TCEANC2: variants seen among roughly 807,000 people sequenced by gnomAD.
TCEANC2 encodes transcription elongation factor A N-terminal and central domain-containing protein 2.
In TCEANC2, 20 loss-of-function variants were observed where a neutral mutation model predicts 22.8. The ratio of observed to expected loss-of-function variants is 0.88; its 90% CI spans 0.62 to 1.28. The LOEUF (loss-of-function observed/expected upper bound fraction) is 1.28, where lower values mean the gene tolerates loss of function less well. Ranked by LOEUF, TCEANC2 falls within the 50% of genes most tolerant of loss-of-function variation. The probability of loss-of-function intolerance (pLI) is 0.00; values close to 1 mark genes in which losing one functional copy is unlikely to be tolerated. For synonymous variants in TCEANC2, 84 were observed against 95.5 expected (o/e 0.88, Z 0.70); for missense variants, 251 against 249.7 (o/e 1.01, Z -0.03).
rs1658631469 is a variant in TCEANC2, at chr1:54,100,037, G to A, written c.*3564G>A. 6.6e-6 allele frequency: 1 copy of A among 152,010 alleles called. No individual in the cohort carries two copies. Among genetic ancestry groups the A allele is most frequent in the African/African-American group, 2.4e-5 (1 of 41,346 alleles). The allele number at this position is 152,010 out of a possible 1,614,324, so 9.4% of individuals were successfully genotyped here. A position where few individuals can be genotyped will look rare whatever the true frequency, so the allele number is the denominator to read the frequency against. On this transcript the variant is annotated 3_prime_UTR_variant, in exon 5 of 5. Coordinates refer to ENST00000234827, the MANE Select transcript of TCEANC2 (RefSeq NM_153035.3). ...GCGGATCACTTGAGGTCAGGAGTTT[G>A]AGACCAACCTGGCCAACATGGTGAA... is the stretch of plus-strand genomic sequence containing the variant.
At chr1:54,059,965 T>A (rs1657820461) in intron 2 of TCEANC2, among the ~76,000 whole-genome samples, 1 of 152,120 alleles carries the variant, frequency 6.6e-6, no homozygotes, top group African/African-American at 2.4e-5. Flanking sequence ...GATCAAATTA[T>A]AAGAAGTTAA....
chr1:54,092,744 A>G (rs1658471065), intron 4 of TCEANC2, among the ~76,000 whole-genome samples: 1 of 151,998 alleles, frequency 6.6e-6, no homozygotes, highest in Non-Finnish European at 1.5e-5. Flanking sequence ...CCCTGTTCCC[A>G]TGCCCTGAGA....
At chr1:54,083,956 T>TA (rs1658291651) in intron 3 of TCEANC2, among the ~76,000 whole-genome samples, 1 of 151,962 alleles carries the variant, frequency 6.6e-6, no homozygotes, top group African/African-American at 2.4e-5. Flanking sequence ...TTCACTAAAC[T>TA]AAAAAAAGTG....
chr1:54,060,532 G>A (rs370261014), intron 2 of TCEANC2, among the ~76,000 whole-genome samples: 7 of 152,174 alleles, frequency 4.6e-5, no homozygotes, highest in East Asian at 3.9e-4. Flanking sequence ...TCATACCACT[G>A]TACTCCAGCC....
At chr1:54,109,039 C>T (rs761096821), downstream of TCEANC2, among the ~76,000 whole-genome samples, 50 of 152,122 alleles carry the variant, frequency 3.3e-4, no homozygotes, top group Non-Finnish European at 6.3e-4. Context: ...AGGTCCCAGG[C>T]CGCAGAGATG....
downstream of TCEANC2, among the ~76,000 whole-genome samples, chr1:54,107,691 A>T (rs1658779828): frequency 6.6e-6 from 1 of 152,132 alleles, no homozygotes; most frequent in Non-Finnish European, 1.5e-5. Context: ...ATGTTTTTTC[A>T]TAGTGATCAT....
Position 54,103,564 on chromosome 1 carries a change from A to T in TCEANC2, c.*7091A>T, listed in dbSNP as rs1164948685. 2 of 152,204 alleles carry T rather than the reference A, an allele frequency of 1.3e-5. No individual in the cohort carries two copies. Among genetic ancestry groups the T allele is most frequent in the Non-Finnish European group, 1.5e-5 (1 of 68,044 alleles). 9.4% of individuals were successfully genotyped at this position (152,204 alleles called of 1,614,324 possible). ...CGTGGGGATTATAATTCGAGTTAAG[A>T]TTTGTGTGGAGACACAGAGCCAAAC... is the stretch of plus-strand genomic sequence containing the variant. On this transcript the variant is annotated 3_prime_UTR_variant, in exon 5 of 5. Transcript: ENST00000234827.
At chr1:54,067,398 A>G (rs1252126685) in intron 2 of TCEANC2, among the ~76,000 whole-genome samples, 1 of 152,242 alleles carries the variant, frequency 6.6e-6, no homozygotes, top group Non-Finnish European at 1.5e-5. Flanking sequence ...CAGTGCCCAC[A>G]GTATGGGAAC....
At chr1:54,081,664 G>A (rs1004714897) in intron 3 of TCEANC2, among the ~76,000 whole-genome samples, 1 of 139,508 alleles carries the variant, frequency 7.2e-6, no homozygotes, top group Non-Finnish European at 1.6e-5. Flanking sequence ...AGACTGAATT[G>A]CCTTTTTGCT....
intron 3 of TCEANC2, among the ~76,000 whole-genome samples, chr1:54,080,739 A>T (rs546893357): frequency 6.6e-6 from 1 of 152,350 alleles, no homozygotes; most frequent in East Asian, 1.9e-4. Context: ...TGAGCAAAAG[A>T]CTGCTTCCTG....
rs546615850 is a variant in TCEANC2, at chr1:54,095,697, G to A, written c.439-588G>A. Reference sequence around the variant, plus strand: ...TGAAGGGGCCATTAGTATGGTGAAAGGGAAGAAACATGAACTTTGGAGTCG... The same window carrying A: ...TGAAGGGGCCATTAGTATGGTGAAAAGGAAGAAACATGAACTTTGGAGTCG... On this transcript the variant is annotated intron_variant, in intron 4 of 4. Transcript: ENST00000234827. Among the ~76,000 whole-genome samples the A allele has an allele frequency of 3.9e-5, 6 of 152,072 alleles. No individual in the cohort carries two copies. In the South Asian group the frequency reaches 1.0e-3, roughly 26 times the overall value.
rs374584308 is a variant in TCEANC2 at position 54,096,412 on chromosome 1, G to T, written c.566G>T (p.Arg189Leu). 1.9e-6 allele frequency: 3 copies of T among 1,613,456 alleles called. No individual in the cohort carries two copies. The highest frequency in any genetic ancestry group is 2.5e-6 in the Non-Finnish European group (3 of 1,179,366). The change falls in exon 5 of 5, where the codon CGG (arginine) becomes CTG (leucine). Residue 189 changes from arginine (R) to leucine (L), a missense_variant. Transcript: ENST00000234827. This position sits in a 1 kb window ranked among gnomAD's most constrained non-coding sequence, Gnocchi z 4.9. ...VFTLKHRAEIRAQVKSGSLPV... is the reference protein window; with the variant it reads ...VFTLKHRAEILAQVKSGSLPV... ...ACATTAAAGCACCGAGCTGAAATCC[G>T]GGCTCAGGTGAAGAGCGGCTCGCTG...
downstream of TCEANC2, among the ~76,000 whole-genome samples, chr1:54,107,479 C>T (rs1658776727): frequency 6.6e-6 from 1 of 152,086 alleles, no homozygotes; most frequent in African/African-American, 2.4e-5. Flanking sequence ...AGGCAAGTCA[C>T]CAAATCTAAC....
At chr1:54,082,224 C>T (rs1450689786) in intron 3 of TCEANC2, among the ~76,000 whole-genome samples, 3 of 152,190 alleles carry the variant, frequency 2.0e-5, no homozygotes, top group Non-Finnish European at 4.4e-5. Flanking sequence ...TCATACAAAG[C>T]CTGGAGTGAT....
chr1:54,110,775 T>C (rs76230478), downstream of TCEANC2, among the ~76,000 whole-genome samples: 5,387 of 152,262 alleles, frequency 0.035, 157 homozygotes, highest in Non-Finnish European at 0.052. Flanking sequence ...TCTGGTCTTC[T>C]GTCCCTCAAA....
chr1:54,062,417 T>A (rs1403928215), intron 2 of TCEANC2, among the ~76,000 whole-genome samples: 1 of 152,212 alleles, frequency 6.6e-6, no homozygotes, highest in Non-Finnish European at 1.5e-5. Context: ...TAGACTGATG[T>A]TTTTCCTATT....
intron 3 of TCEANC2, among the ~76,000 whole-genome samples, chr1:54,075,971 T>C (rs2100368694): frequency 1.3e-5 from 2 of 150,940 alleles, no homozygotes; most frequent in Admixed American, 1.3e-4. Context: ...GAGGTTGCAA[T>C]GAGCCAAGAT....
At chr1:54,071,913 G>T (rs1336627709) in intron 3 of TCEANC2, among the ~76,000 whole-genome samples, 1 of 151,916 alleles carries the variant, frequency 6.6e-6, no homozygotes, top group Non-Finnish European at 1.5e-5. Flanking sequence ...CCGGGCTCAA[G>T]TGATCCCCCC....
rs1450234547 is a variant in TCEANC2 at position 54,100,960 on chromosome 1, G to T, written c.*4487G>T. On this transcript the variant is annotated 3_prime_UTR_variant, in exon 5 of 5. Coordinates refer to ENST00000234827, the MANE Select transcript of TCEANC2 (RefSeq NM_153035.3). Reference sequence around the variant, plus strand: ...ACACTTGAGATTCAGTCAATTAGAGGTTTTTTTTTTTTGACAAATGAAGTT... The same window carrying T: ...ACACTTGAGATTCAGTCAATTAGAGTTTTTTTTTTTTTGACAAATGAAGTT... The T allele has an allele frequency of 6.8e-6, 1 of 146,176 alleles. No individual in the cohort carries two copies. The allele number at this position is 146,176 out of a possible 1,614,324, so 9.1% of individuals were successfully genotyped here.
Sources: gnomAD v4.1 joint callset for allele counts (sites outside exome capture counted in the v4.1 genomes callset) on GRCh38, gnomAD v4.1.1 for gene constraint, Gnocchi (gnomAD v3.1) non-coding constraint, MANE v1.5 for transcripts, NCBI Gene and HGNC (gene_info 2026-07-23, HGNC 2026-07-21) for gene names.